Variants in NEO1 observed in about 807,000 individuals in gnomAD.
The protein encoded by NEO1 is neogenin.
NEO1 carries 63 observed loss-of-function variants against 159.7 expected under a neutral mutation model. The ratio of observed to expected loss-of-function variants is 0.39; its 90% CI spans 0.32 to 0.49. NEO1 has a LOEUF of 0.49. Among genes scored for constraint, NEO1 ranks in the 20% least tolerant of loss-of-function variants. The pLI is 0.85. For synonymous variants in NEO1, 633 were observed against 662.0 expected (o/e 0.96, Z 0.67); for missense variants, 1,615 against 1,831.0 (o/e 0.88, Z 2.15).
At chr15:73,074,449 T>C (rs549049807) in intron 1 of NEO1, among the ~76,000 whole-genome samples, 1 of 152,348 alleles carries the variant, frequency 6.6e-6, no homozygotes, top group South Asian at 2.1e-4. Context: ...GTACATAAAT[T>C]AATGGCTAAA....
intron 7 of NEO1, among the ~76,000 whole-genome samples, chr15:73,180,597 T>C (rs539954514): frequency 6.6e-6 from 1 of 152,322 alleles, no homozygotes; most frequent in East Asian, 1.9e-4. Flanking sequence ...AGGCACTTCA[T>C]TATATTTGTG....
At chr15:73,116,901 T>C (rs2071356792) in intron 2 of NEO1, 44 bp downstream of exon 2, 1 of 1,413,702 alleles carries the variant, frequency 7.1e-7, no homozygotes, top group African/African-American at 1.4e-5. Context: ...CAAATATTTA[T>C]AACATACATC....
chr15:73,179,237 C>T (rs931246421), intron 7 of NEO1, among the ~76,000 whole-genome samples: 9 of 152,086 alleles, frequency 5.9e-5, no homozygotes, highest in Admixed American at 3.9e-4. Flanking sequence ...GAACTCTAGA[C>T]AATATAAGAA....
intron 1 of NEO1, among the ~76,000 whole-genome samples, chr15:73,080,971 T>C (rs1156727571): frequency 6.6e-6 from 1 of 152,234 alleles, no homozygotes; most frequent in African/African-American, 2.4e-5. Flanking sequence ...TTGATAATAA[T>C]ACATTTTAAG....
intron 7 of NEO1, among the ~76,000 whole-genome samples, chr15:73,227,358 T>C (rs1466746258): frequency 1.3e-5 from 2 of 152,072 alleles, no homozygotes; most frequent in African/African-American, 4.8e-5. Flanking sequence ...TAGCCGGGTA[T>C]GGTGGCGCAT....
At chr15:73,081,124 T>C (rs2069022828) in intron 1 of NEO1, among the ~76,000 whole-genome samples, 1 of 152,198 alleles carries the variant, frequency 6.6e-6, no homozygotes, top group Admixed American at 6.5e-5. Context: ...GGCGTTGCTG[T>C]AACTTGGGTT....
At chr15:73,236,604 C>A in intron 8 of NEO1, 98 bp downstream of exon 8, 3 of 1,031,342 alleles carry the variant, frequency 2.9e-6, no homozygotes, top group Non-Finnish European at 3.0e-6. Context: ...AATTTTTAGT[C>A]CAGAAAATAA....
At chr15:73,279,829 A>C (rs2151080266) in intron 22 of NEO1, among the ~76,000 whole-genome samples, 1 of 152,346 alleles carries the variant, frequency 6.6e-6, no homozygotes, top group South Asian at 2.1e-4. Flanking sequence ...TCCAGGAAGC[A>C]ATATCAGCAT....
At chr15:73,059,690 C>T (rs1265805510) in intron 1 of NEO1, among the ~76,000 whole-genome samples, 1 of 152,140 alleles carries the variant, frequency 6.6e-6, no homozygotes, top group Non-Finnish European at 1.5e-5. Flanking sequence ...TACTGTTGAT[C>T]AAGGAATAGT....
At chr15:73,239,925 C>T (rs1458883746) in intron 8 of NEO1, among the ~76,000 whole-genome samples, 1 of 152,110 alleles carries the variant, frequency 6.6e-6, no homozygotes, top group Admixed American at 6.5e-5. Context: ...GACAGTTTTG[C>T]CCCCTCATCC....
At position 73,067,764 on chromosome 15, in the gene NEO1, C is replaced by T. The variant is rs1375142448; in HGVS notation, c.130+14959C>T. Among the ~76,000 whole-genome samples, 3 of 152,050 alleles carry T rather than the reference C, an allele frequency of 2.0e-5. No individual in the cohort carries two copies. The East Asian group carries it at 5.8e-4, about 30-fold the overall frequency. On this transcript the variant is annotated intron_variant, in intron 1 of 28. Transcript: ENST00000261908. Reference sequence around the variant, plus strand: ...CCCAAGTAGCTGGGACTACAGGCGCCCGCCACCATGCCCGGCTAATTTTTT... The same window carrying T: ...CCCAAGTAGCTGGGACTACAGGCGCTCGCCACCATGCCCGGCTAATTTTTT...
chr15:73,067,766 G>A (rs4776625), intron 1 of NEO1, among the ~76,000 whole-genome samples: 45,737 of 151,528 alleles, frequency 0.3, 8,180 homozygotes, highest in Admixed American at 0.43. Flanking sequence ...ACAGGCGCCC[G>A]CCACCATGCC....
chr15:73,161,830 G>A (rs2034201429), intron 5 of NEO1: 1 of 269,684 alleles, frequency 3.7e-6, no homozygotes, highest in Non-Finnish European at 7.2e-6. Flanking sequence ...CAGTCTTCCA[G>A]AAGCAATTCT....
chr15:73,208,567 A>G (rs145209890), intron 7 of NEO1, among the ~76,000 whole-genome samples: 2 of 152,274 alleles, frequency 1.3e-5, no homozygotes, highest in African/African-American at 4.8e-5. Flanking sequence ...GAATCTATAA[A>G]AATCTTAAGA....
intron 1 of NEO1, among the ~76,000 whole-genome samples, chr15:73,058,227 C>T (rs1406105141): frequency 6.6e-6 from 1 of 152,196 alleles, no homozygotes; most frequent in African/African-American, 2.4e-5. Flanking sequence ...CACTCCCTGA[C>T]TTCCAGGCAT....
chr15:73,259,587 C>T (rs2040526851), intron 14 of NEO1, among the ~76,000 whole-genome samples: 1 of 151,992 alleles, frequency 6.6e-6, no homozygotes, highest in Non-Finnish European at 1.5e-5. Flanking sequence ...CTCCTGGGCT[C>T]AGGTGATTCT....
At chr15:73,248,782 C>G (rs1211020422) in intron 9 of NEO1, among the ~76,000 whole-genome samples, 2 of 152,184 alleles carry the variant, frequency 1.3e-5, no homozygotes, top group Admixed American at 6.5e-5. Flanking sequence ...GGATCTCTTT[C>G]TGTGGTGGTT....
chr15:73,093,479 A>G (rs1272316142), intron 1 of NEO1, among the ~76,000 whole-genome samples: 1 of 151,658 alleles, frequency 6.6e-6, no homozygotes, highest in African/African-American at 2.4e-5. Context: ...TATATTATGA[A>G]CTCATGGGTA....
chr15:73,122,096 C>T (rs998589085), intron 2 of NEO1, among the ~76,000 whole-genome samples: 19 of 92,654 alleles, frequency 2.1e-4, no homozygotes, highest in Admixed American at 1.7e-3. Context: ...TATATATATA[C>T]ACATTATATA....
Sources: allele counts gnomAD v4.1 joint callset (sites outside exome capture counted in the v4.1 genomes callset), GRCh38; gene constraint gnomAD v4.1.1; transcripts MANE v1.5; gene names NCBI Gene and HGNC (gene_info 2026-07-23, HGNC 2026-07-21).